RFX3: variants seen among roughly 807,000 people sequenced by gnomAD.
The protein encoded by RFX3 is transcription factor RFX3.
In RFX3, 14 loss-of-function variants were observed where a neutral mutation model predicts 98.6. The ratio of observed to expected loss-of-function variants is 0.14; its 90% CI spans 0.09 to 0.22. The LOEUF (loss-of-function observed/expected upper bound fraction) is 0.22, where lower values mean the gene tolerates loss of function less well. Among genes scored for constraint, RFX3 ranks in the 10% least tolerant of loss-of-function variants. The pLI is 1.00. For missense variants in RFX3, 639 were observed against 926.9 expected, an observed-to-expected ratio of 0.69 and a Z score of 4.03; for synonymous variants, 383 against 328.4, an observed-to-expected ratio of 1.17 and a Z score of -1.80.
Position 3,386,044 on chromosome 9 carries a change from A to G in RFX3, c.117+9428T>C, listed in dbSNP as rs547965642. Among the ~76,000 whole-genome samples the G allele has an allele frequency of 9.8e-5, 15 of 152,286 alleles. No homozygotes were observed. The Middle Eastern group carries it at 0.01, about 104-fold the overall frequency. On this transcript the variant is annotated intron_variant, in intron 2 of 16. Transcript: ENST00000617270. ...CACCACCACCACCTCTGCAGATCAG[A>G]GGAAGTTGGTGTTGGTTCTGATCTA...
At chr9:3,408,372 A>T (rs1482267569) in intron 1 of RFX3, among the ~76,000 whole-genome samples, 2 of 152,112 alleles carry the variant, frequency 1.3e-5, no homozygotes, top group African/African-American at 2.4e-5. Context: ...CTGCTTGAGC[A>T]CAGGGCCATC....
intron 2 of RFX3, among the ~76,000 whole-genome samples, chr9:3,384,387 T>C (rs1443507746): frequency 6.6e-6 from 1 of 152,216 alleles, no homozygotes; most frequent in Non-Finnish European, 1.5e-5. Context: ...CATTTTATAA[T>C]TACTGTCCTG....
intron 14 of RFX3, among the ~76,000 whole-genome samples, chr9:3,249,036 G>A (rs1356240706): frequency 6.6e-6 from 1 of 152,114 alleles, no homozygotes; most frequent in African/African-American, 2.4e-5. Context: ...TGATGTGTGT[G>A]TGTGAGTGTG....
At chr9:3,449,216 C>T (rs918125371) in intron 1 of RFX3, among the ~76,000 whole-genome samples, 2 of 152,112 alleles carry the variant, frequency 1.3e-5, no homozygotes, top group African/African-American at 4.8e-5. Context: ...ACTTAATTTC[C>T]TTCTGTCGTG....
At chr9:3,504,819 T>C (rs1333315057) in intron 1 of RFX3, among the ~76,000 whole-genome samples, 2 of 52,448 alleles carry the variant, frequency 3.8e-5, no homozygotes, top group African/African-American at 6.9e-5. Context: ...AAATATATAT[T>C]ATATATAAAA....
intron 1 of RFX3, among the ~76,000 whole-genome samples, chr9:3,402,636 T>C (rs1401132539): frequency 4.6e-5 from 7 of 151,804 alleles, no homozygotes; most frequent in Non-Finnish European, 8.8e-5. Flanking sequence ...ATTATTGTAA[T>C]TGAAGTTCTG....
rs149980652 is a variant in RFX3 at position 3,228,838 on chromosome 9, G to T, written c.2011+9C>A. 2 of 1,602,466 alleles carry T rather than the reference G, an allele frequency of 1.2e-6. No individual in the cohort carries two copies. The highest frequency in any genetic ancestry group is 1.7e-6 in the Non-Finnish European group (2 of 1,175,366). ...AGTTCTTAAAATGTACATTATTTTC[G>T]ATTCTTACCTTTATCCAGATTTCCA... On this transcript the variant is annotated intron_variant, in intron 16 of 16. Transcript: ENST00000617270.
At chr9:3,453,800 A>G (rs2093849595) in intron 1 of RFX3, 1 of 152,218 alleles carries the variant, frequency 6.6e-6, no homozygotes, top group Non-Finnish European at 1.5e-5. Context: ...TTAATTATAC[A>G]GAGTGCTACA....
intron 15 of RFX3, among the ~76,000 whole-genome samples, chr9:3,241,004 CTGAGA>C (rs1460004859): frequency 1.3e-5 from 2 of 152,184 alleles, no homozygotes; most frequent in Non-Finnish European, 2.9e-5. Context: ...GGACTGTGTG[CTGAGA>C]TTTCTTTCCT....
At chr9:3,280,963 G>T (rs2920362) in intron 7 of RFX3, among the ~76,000 whole-genome samples, 2,152 of 151,582 alleles carry the variant, frequency 0.014, 45 homozygotes, top group African/African-American at 0.049. Context: ...ACTATATTTG[G>T]AATGTACAAT....
intron 14 of RFX3, among the ~76,000 whole-genome samples, chr9:3,256,192 G>C (rs1266499387): frequency 6.6e-6 from 1 of 151,936 alleles, no homozygotes; most frequent in African/African-American, 2.4e-5. Context: ...GGATGGTCTC[G>C]ATCTCCTGAC....
At chr9:3,376,271 T>A (rs1392834734) in intron 2 of RFX3, among the ~76,000 whole-genome samples, 4 of 152,170 alleles carry the variant, frequency 2.6e-5, no homozygotes, top group African/African-American at 4.8e-5. Flanking sequence ...TGAAAAATAT[T>A]TTGGCAGTTT....
At chr9:3,505,062 TATA>T (rs919316177) in intron 1 of RFX3, among the ~76,000 whole-genome samples, 4 of 92,060 alleles carry the variant, frequency 4.3e-5, no homozygotes, top group African/African-American at 1.3e-4. Context: ...ATATAAAATA[TATA>T]ATAAAATATA....
chr9:3,228,542 C>G (rs1335772549), intron 16 of RFX3, among the ~76,000 whole-genome samples: 1 of 152,172 alleles, frequency 6.6e-6, no homozygotes, highest in African/African-American at 2.4e-5. Flanking sequence ...TCACTTATCT[C>G]CAGGACTCTA....
At chr9:3,508,986 G>C (rs1375404503) in intron 1 of RFX3, among the ~76,000 whole-genome samples, 1 of 151,566 alleles carries the variant, frequency 6.6e-6, no homozygotes, top group Non-Finnish European at 1.5e-5. Context: ...CAGAAAGAGA[G>C]ACACAGAGAG....
chr9:3,285,556 CAG>C lies in RFX3; in HGVS notation c.851+2573_851+2574del, dbSNP rs559916601. Among the ~76,000 whole-genome samples, 4 of 151,762 alleles carry C rather than the reference CAG, an allele frequency of 2.6e-5. No individual in the cohort carries two copies. In the East Asian group the frequency reaches 7.7e-4, roughly 29 times the overall value. ...AATGTTGTCAGTGGACAGATTCCTT[CAG>C]AGAGACCACAGAAGACTCCTGCTGC... On this transcript the variant is annotated intron_variant, in intron 7 of 16. Transcript: ENST00000617270.
At chr9:3,392,266 A>AAAAAC (rs1840393342) in intron 2 of RFX3, among the ~76,000 whole-genome samples, 1 of 152,186 alleles carries the variant, frequency 6.6e-6, no homozygotes, top group African/African-American at 2.4e-5. Flanking sequence ...AGACATAGTA[A>AAAAAC]AAAACAAAAC....
intron 1 of RFX3, among the ~76,000 whole-genome samples, chr9:3,504,878 ATT>A (rs1491140276): frequency 2.3e-4 from 12 of 52,306 alleles, no homozygotes; most frequent in South Asian, 1.1e-3. Flanking sequence ...TATTATATAT[ATT>A]ATATATAATA....
At chr9:3,351,957 T>G (rs976456467) in intron 2 of RFX3, among the ~76,000 whole-genome samples, 3 of 151,682 alleles carry the variant, frequency 2.0e-5, no homozygotes, top group Non-Finnish European at 2.9e-5. Flanking sequence ...ATCTGAAGAG[T>G]TGCTGTACAA....
Sources: gnomAD v4.1 joint callset for allele counts (sites outside exome capture counted in the v4.1 genomes callset) on GRCh38, gnomAD v4.1.1 for gene constraint, MANE v1.5 for transcripts, NCBI Gene and HGNC (gene_info 2026-07-23, HGNC 2026-07-21) for gene names.